The following VEZT variants were observed in gnomAD, a reference collection of about 807,000 sequenced individuals.
VEZT encodes vezatin, adherens junctions transmembrane protein.
In VEZT, 39 loss-of-function variants were observed where a neutral mutation model predicts 79.9. The observed-to-expected ratio is 0.49, with a 90% CI of 0.38 to 0.64. VEZT has a LOEUF of 0.64. Ranked by LOEUF, VEZT falls within the 30% of genes least tolerant of loss-of-function variation. The pLI is 0.00. For synonymous variants in VEZT, 325 were observed against 327.6 expected (o/e 0.99, Z 0.09); for missense variants, 837 against 893.1 (o/e 0.94, Z 0.80).
chr12:95,245,097 A>G (rs572521367), intron 1 of VEZT, among the ~76,000 whole-genome samples: 13 of 152,156 alleles, frequency 8.5e-5, no homozygotes, highest in Non-Finnish European at 1.8e-4. Context: ...AGCTGGGTGT[A>G]GTAGCGCATG....
rs1249090889 is a variant in VEZT at position 95,294,348 on chromosome 12, C to G, written c.1599C>G (p.Asp533Glu). 5.0e-6 allele frequency: 8 copies of G among 1,584,900 alleles called. No individual in the cohort carries two copies. Among genetic ancestry groups the G allele is most frequent in the Non-Finnish European group, 6.0e-6 (7 of 1,164,832 alleles). The part of the protein sequence containing the change: ...PLKQPTLHIA[D>E]KDPIPEEQEL... ...AGCAGCCTACTCTACACATTGCAGA[C>G]AAAGATCCAATCCCAGAGGAGCAGG... Residue 533 changes from aspartate (D) to glutamate (E), a missense_variant, in exon 10 of 12, where the codon GAC becomes GAG. Coordinates refer to ENST00000436874, the MANE Select transcript of VEZT (RefSeq NM_017599.4).
Position 95,300,819 on chromosome 12 carries a change from G to T in VEZT, c.*146G>T. On this transcript the variant is annotated 3_prime_UTR_variant, in exon 12 of 12. Transcript: ENST00000436874. ...AGGAAGAACCCTGGTTTGAATAACT[G>T]ATCTGAAATTAGTAGTTACCTGTAA... The T allele has an allele frequency of 5.2e-6, 6 of 1,151,704 alleles. No individual in the cohort carries two copies. Among genetic ancestry groups the T allele is most frequent in the South Asian group, 5.3e-5 (2 of 38,082 alleles). 71.3% of individuals were successfully genotyped at this position (1,151,704 alleles called of 1,614,324 possible).
At chr12:95,231,433 G>A (rs1196637584) in intron 1 of VEZT, 12 of 152,038 alleles carry the variant, frequency 7.9e-5, no homozygotes, top group Admixed American at 7.9e-4. Context: ...GGTTCTTCTG[G>A]AGAAACAAGT....
chr12:95,270,139 A>C lies in VEZT; in HGVS notation c.799A>C (p.Arg267=). 1 of 1,611,428 alleles carries C rather than the reference A, an allele frequency of 6.2e-7. No individual in the cohort carries two copies. The change falls in exon 6 of 12, where the codon AGA becomes CGA. Residue 267 remains arginine, a synonymous_variant. Transcript: ENST00000436874. ...TCGGAAAGCTGTCTACCGAACTCTA[A>C]GAGCCAACTTCCAAGCAGCAAGGCT... ...GLRKAVYRTL[R]ANFQAARLAT... is the part of the protein sequence containing the mutation.
chr12:95,237,481 A>G (rs906096679), intron 1 of VEZT, among the ~76,000 whole-genome samples: 22 of 152,240 alleles, frequency 1.4e-4, no homozygotes, highest in African/African-American at 5.1e-4. Flanking sequence ...TATCAAGCAG[A>G]ATTATCAGCC....
chr12:95,265,529 A>G (rs1191536565), intron 4 of VEZT, among the ~76,000 whole-genome samples: 2 of 151,436 alleles, frequency 1.3e-5, no homozygotes, highest in Non-Finnish European at 2.9e-5. Context: ...TTTTAAATCT[A>G]TAAAATCGGA....
intron 9 of VEZT, among the ~76,000 whole-genome samples, chr12:95,288,884 C>T (rs1338203370): frequency 6.6e-6 from 1 of 151,824 alleles, no homozygotes; most frequent in Non-Finnish European, 1.5e-5. Flanking sequence ...ACATTTTCTA[C>T]AAATAGAAAC....
At chr12:95,254,716 T>C (rs2063193753) in intron 2 of VEZT, among the ~76,000 whole-genome samples, 1 of 152,178 alleles carries the variant, frequency 6.6e-6, no homozygotes, top group South Asian at 2.1e-4. Flanking sequence ...TGTCAGGGAA[T>C]GTATGTTTAG....
intron 8 of VEZT, among the ~76,000 whole-genome samples, chr12:95,285,515 C>T (rs1325802440): frequency 1.3e-5 from 2 of 152,058 alleles, no homozygotes; most frequent in Admixed American, 6.5e-5. Flanking sequence ...TTTTATCCAT[C>T]CTTCAATGCT....
chr12:95,268,117 ACTT>A (rs1187254846), intron 5 of VEZT, among the ~76,000 whole-genome samples: 1 of 152,158 alleles, frequency 6.6e-6, no homozygotes, highest in African/African-American at 2.4e-5. Context: ...GTTGAAGTCT[ACTT>A]CTTATTGACT....
At chr12:95,274,911 A>T (rs752195553) in intron 7 of VEZT, 22 bp downstream of exon 7, 1 of 1,605,358 alleles carries the variant, frequency 6.2e-7, no homozygotes, top group Admixed American at 1.7e-5. Context: ...GTGTAAGGGA[A>T]GGGCTGAAGA....
At chr12:95,233,120 A>G (rs2059500063) in intron 1 of VEZT, among the ~76,000 whole-genome samples, 2 of 151,718 alleles carry the variant, frequency 1.3e-5, no homozygotes, top group Non-Finnish European at 2.9e-5. Flanking sequence ...GTTAGTTTTT[A>G]TATGGGAAAG....
At chr12:95,257,374 C>T in intron 3 of VEZT, 135 bp downstream of exon 3, 1 of 693,520 alleles carries the variant, frequency 1.4e-6, no homozygotes. Flanking sequence ...AACTCAGGAT[C>T]TTTTAATTTG....
At chr12:95,296,761 G>C (rs1333317862) in intron 11 of VEZT, 1 of 152,336 alleles carries the variant, frequency 6.6e-6, no homozygotes, top group African/African-American at 2.4e-5. Context: ...CCAACATGGC[G>C]AAACCCCATC....
intron 1 of VEZT, chr12:95,244,056 T>C (rs1238442204): frequency 1.8e-5 from 8 of 444,204 alleles, no homozygotes; most frequent in African/African-American, 8.2e-5. Context: ...TATTCTGTTA[T>C]AGCAACACAA....
Position 95,300,164 on chromosome 12 carries a change from G to A in VEZT, c.1832-1G>A. The A allele has an allele frequency of 7.2e-7, 1 of 1,386,144 alleles. No individual in the cohort carries two copies. The highest frequency in any genetic ancestry group is 9.4e-7 in the Non-Finnish European group (1 of 1,062,570). 85.9% of individuals were successfully genotyped at this position (1,386,144 alleles called of 1,614,324 possible). ...TCTTTTTTCTTTTTTTTTATTTGAA[G>A]CCGTGTTGAAATCCTTGTCTCCTGT... On this transcript the variant is annotated splice_acceptor_variant, in intron 11 of 11. Coordinates refer to ENST00000436874, the MANE Select transcript of VEZT (RefSeq NM_017599.4). LOFTEE classifies it high-confidence loss of function.
intron 1 of VEZT, among the ~76,000 whole-genome samples, chr12:95,225,867 A>C (rs376315569): frequency 2.7e-5 from 4 of 149,770 alleles, no homozygotes; most frequent in East Asian, 4.0e-4. Context: ...CAGTGGGGGG[A>C]TCACTTGAGG....
intron 1 of VEZT, among the ~76,000 whole-genome samples, chr12:95,250,146 T>A (rs2062320713): frequency 6.6e-6 from 1 of 150,498 alleles, no homozygotes; most frequent in Non-Finnish European, 1.5e-5. Flanking sequence ...ACATGTGCCA[T>A]GCTGGTGTGC....
intron 1 of VEZT, among the ~76,000 whole-genome samples, chr12:95,233,157 T>A (rs2059505096): frequency 6.6e-6 from 1 of 152,138 alleles, no homozygotes; most frequent in African/African-American, 2.4e-5. Flanking sequence ...ATTCATTTAC[T>A]AAATTCTCAT....
Sources: gnomAD v4.1 joint callset for allele counts (sites outside exome capture counted in the v4.1 genomes callset) on GRCh38, gnomAD v4.1.1 for gene constraint, MANE v1.5 for transcripts, NCBI Gene and HGNC (gene_info 2026-07-23, HGNC 2026-07-21) for gene names.